PTPRN2: variants seen among roughly 807,000 people sequenced by gnomAD.
PTPRN2 encodes receptor-type tyrosine-protein phosphatase N2.
Under a neutral mutation model 118.8 loss-of-function variants are expected in PTPRN2, and 74 were observed. That is an observed-to-expected ratio of 0.62 (90% CI 0.52 to 0.76). The LOEUF (loss-of-function observed/expected upper bound fraction) is 0.76, where lower values mean the gene tolerates loss of function less well. Among genes scored for constraint, PTPRN2 ranks in the 30% least tolerant of loss-of-function variants. The pLI, the probability that PTPRN2 is intolerant of heterozygous loss-of-function variation, is 0.00. For synonymous variants in PTPRN2, 641 were observed against 608.0 expected, an observed-to-expected ratio of 1.05 and a Z score of -0.80; for missense variants, 1,481 against 1,394.4, an observed-to-expected ratio of 1.06 and a Z score of -0.99.
At chr7:157,708,371 C>A (rs575420275) in intron 12 of PTPRN2, among the ~76,000 whole-genome samples, 28 of 152,186 alleles carry the variant, frequency 1.8e-4, no homozygotes, top group Admixed American at 3.3e-4. Flanking sequence ...CATCTGCCCA[C>A]GACCCTTCAG....
At position 158,338,171 on chromosome 7, in the gene PTPRN2, C is replaced by G. The variant is rs80060649; in HGVS notation, c.164-21239G>C. Among the ~76,000 whole-genome samples, 14 of 6,146 alleles carry G rather than the reference C, an allele frequency of 2.3e-3. 4 individuals are homozygous for G. The highest frequency in any genetic ancestry group is 4.4e-3 in the Non-Finnish European group (9 of 2,040). 4.0% of individuals were successfully genotyped at this position (6,146 alleles called of 152,430 possible). A position where few individuals can be genotyped will look rare whatever the true frequency, so the allele number is the denominator to read the frequency against. ...CCCGCAGACGTTACTCACACCCACA[C>G]TCTCACCATAAGAGGTGACACCTGC... On this transcript the variant is annotated intron_variant, in intron 2 of 22. Transcript: ENST00000389418.
chr7:157,761,064 G>C (rs1802094916), intron 12 of PTPRN2, among the ~76,000 whole-genome samples: 2 of 150,828 alleles, frequency 1.3e-5, no homozygotes, highest in African/African-American at 4.9e-5. Context: ...CCTCTTCAAG[G>C]AGAACTACAA....
chr7:157,948,896 T>G (rs559038888), intron 11 of PTPRN2, among the ~76,000 whole-genome samples: 33 of 152,176 alleles, frequency 2.2e-4, no homozygotes, highest in African/African-American at 7.2e-4. Flanking sequence ...ATATGCAGAT[T>G]TTTTTCAACC....
intron 2 of PTPRN2, among the ~76,000 whole-genome samples, chr7:158,486,166 T>C (rs888806200): frequency 1.3e-5 from 2 of 152,246 alleles, no homozygotes; most frequent in Non-Finnish European, 2.9e-5. Context: ...ACACATCAGA[T>C]TGCCGGGTCA....
intron 12 of PTPRN2, among the ~76,000 whole-genome samples, chr7:157,846,679 ATGTC>A (rs1808828493): frequency 6.6e-6 from 1 of 151,800 alleles, no homozygotes; most frequent in African/African-American, 2.4e-5. Context: ...TGCGTGCCCG[ATGTC>A]TACAGAGCCC....
intron 3 of PTPRN2, among the ~76,000 whole-genome samples, chr7:158,311,594 G>C (rs1017999542): frequency 1.5e-4 from 23 of 152,342 alleles, no homozygotes; most frequent in African/African-American, 5.0e-4. Context: ...GAGGAAGAAG[G>C]TTGTGAAATT....
intron 12 of PTPRN2, among the ~76,000 whole-genome samples, chr7:157,797,065 C>G (rs568852772): frequency 6.6e-6 from 1 of 152,374 alleles, no homozygotes; most frequent in African/African-American, 2.4e-5. Context: ...TGAACGGGCA[C>G]TGGGGCCACA....
chr7:157,612,425 C>T (rs976439339), intron 15 of PTPRN2, among the ~76,000 whole-genome samples: 2 of 152,168 alleles, frequency 1.3e-5, no homozygotes. Flanking sequence ...GAGACACAAA[C>T]GGCTGGGGGG....
chr7:157,958,586 C>G (rs1166485514), intron 11 of PTPRN2, among the ~76,000 whole-genome samples: 1 of 152,188 alleles, frequency 6.6e-6, no homozygotes, highest in East Asian at 1.9e-4. Flanking sequence ...AATCAATATA[C>G]AGAAATCATT....
At chr7:157,959,983 G>A (rs916945786) in intron 11 of PTPRN2, among the ~76,000 whole-genome samples, 20 of 152,154 alleles carry the variant, frequency 1.3e-4, no homozygotes, top group Admixed American at 8.5e-4. Context: ...TATACACGGC[G>A]GGGTATTATT....
chr7:158,112,778 G>A (rs1418138514), intron 9 of PTPRN2, among the ~76,000 whole-genome samples: 1 of 151,252 alleles, frequency 6.6e-6, no homozygotes, highest in East Asian at 2.0e-4. Context: ...TGTGTGCAGA[G>A]GTCAGAGGCC....
chr7:158,119,590 A>G (rs1816987034), intron 9 of PTPRN2, among the ~76,000 whole-genome samples: 3 of 152,020 alleles, frequency 2.0e-5, no homozygotes, highest in Admixed American at 2.0e-4. Context: ...CCTGAGGTAC[A>G]GTACAAGAAG....
intron 2 of PTPRN2, among the ~76,000 whole-genome samples, chr7:158,402,392 G>T (rs542387645): frequency 1.3e-5 from 2 of 152,074 alleles, no homozygotes; most frequent in Non-Finnish European, 2.9e-5. Context: ...CTTGACTCTC[G>T]GAGGTGGGGC....
At chr7:158,121,941 C>T (rs1274705652) in intron 9 of PTPRN2, among the ~76,000 whole-genome samples, 3 of 152,184 alleles carry the variant, frequency 2.0e-5, no homozygotes, top group African/African-American at 7.2e-5. Flanking sequence ...TCACAATGAT[C>T]ACGCAGCCAT....
In PTPRN2 at chr7:158,546,190, T is replaced by C. The variant is rs79446280; in HGVS notation, c.112+41368A>G. Among the ~76,000 whole-genome samples the C allele has an allele frequency of 0.022, 3,387 of 152,282 alleles. 128 individuals carry two copies. The highest frequency in any genetic ancestry group is 0.071 in the African/African-American group (2,965 of 41,546). On this transcript the variant is annotated intron_variant, in intron 1 of 22. Transcript: ENST00000389418. This position sits in a 1 kb window ranked among gnomAD's most constrained non-coding sequence, Gnocchi z 5.0. ...AAGGGGGAAGGGGCTGGACACGGCC[T>C]GTCTCCTCCCTGAGAGGAACCATCA...
At chr7:158,323,000 C>G (rs1803166268) in intron 2 of PTPRN2, among the ~76,000 whole-genome samples, 1 of 152,226 alleles carries the variant, frequency 6.6e-6, no homozygotes, top group South Asian at 2.1e-4. Context: ...AACACACATC[C>G]CTCTGCCGGC....
chr7:157,577,780 T>C (rs1800133598), intron 18 of PTPRN2, among the ~76,000 whole-genome samples: 1 of 152,180 alleles, frequency 6.6e-6, no homozygotes, highest in Non-Finnish European at 1.5e-5. Context: ...GTGTGAACCA[T>C]CCACACGGGC....
intron 2 of PTPRN2, among the ~76,000 whole-genome samples, chr7:158,423,521 T>C (rs1815437719): frequency 6.7e-6 from 1 of 148,318 alleles, no homozygotes; most frequent in South Asian, 2.2e-4. Context: ...TCTCAGAGAT[T>C]AGCCCCTCTG....
intron 2 of PTPRN2, among the ~76,000 whole-genome samples, chr7:158,455,920 C>T (rs112442382): frequency 0.01 from 1,133 of 109,270 alleles, 5 homozygotes; most frequent in Non-Finnish European, 0.016. Context: ...ACAGCATGGA[C>T]GCCATTGGCC....
Sources: gnomAD v4.1 joint callset for allele counts (sites outside exome capture counted in the v4.1 genomes callset) on GRCh38, gnomAD v4.1.1 for gene constraint, Gnocchi (gnomAD v3.1) non-coding constraint, MANE v1.5 for transcripts, NCBI Gene and HGNC (gene_info 2026-07-23, HGNC 2026-07-21) for gene names.